The following PHACTR2 variants were observed in gnomAD, a reference collection of about 807,000 sequenced individuals.
PHACTR2 encodes phosphatase and actin regulator 2.
PHACTR2 carries 30 observed loss-of-function variants against 76.0 expected under a neutral mutation model. The observed-to-expected ratio is 0.39, with a 90% CI of 0.30 to 0.54. PHACTR2 has a LOEUF of 0.54. Among genes scored for constraint, PHACTR2 ranks in the 20% least tolerant of loss-of-function variants. The probability of loss-of-function intolerance (pLI) is 0.61; values close to 1 mark genes in which losing one functional copy is unlikely to be tolerated. For synonymous variants in PHACTR2, 292 were observed against 292.5 expected, an observed-to-expected ratio of 1.00 and a Z score of 0.02; for missense variants, 696 against 781.1, an observed-to-expected ratio of 0.89 and a Z score of 1.30.
Position 143,826,156 on chromosome 6 carries a change from G to GT in PHACTR2, c.*2467_*2468insT, listed in dbSNP as rs1776526358. 1 of 152,134 alleles carries GT rather than the reference G, an allele frequency of 6.6e-6. No individual in the cohort carries two copies. The highest frequency in any genetic ancestry group is 1.5e-5 in the Non-Finnish European group (1 of 68,028). The allele number at this position is 152,134 out of a possible 1,614,324, so 9.4% of individuals were successfully genotyped here. On this transcript the variant is annotated 3_prime_UTR_variant, in exon 13 of 13. Coordinates refer to ENST00000440869, the MANE Select transcript of PHACTR2 (RefSeq NM_001100164.2). ...TGGCTTGAGTAAAAAGCTGTGGAAA[G>GT]AATTAAAGGATTATGAGCTAAGCTG...
At position 143,760,050 on chromosome 6, in the gene PHACTR2, T is replaced by C. The variant is rs1157585717; in HGVS notation, c.455-351T>C. 6.6e-6 allele frequency among the ~76,000 whole-genome samples: 1 copy of C among 152,174 alleles called. No homozygotes were observed. ...CTTTGTTAAATCATTGTTTGTTCAATTTAAATGTAGCACTTCATGCCCACA... is the reference window on the plus strand; with the variant it reads ...CTTTGTTAAATCATTGTTTGTTCAACTTAAATGTAGCACTTCATGCCCACA... On this transcript the variant is annotated intron_variant, in intron 4 of 12. Coordinates refer to ENST00000440869, the MANE Select transcript of PHACTR2 (RefSeq NM_001100164.2). This position sits in a 1 kb window ranked among gnomAD's most constrained non-coding sequence, Gnocchi z 6.4.
At position 143,719,162 on chromosome 6, in the gene PHACTR2, C is replaced by T. The variant is rs868506103; in HGVS notation, c.214+6979C>T. On this transcript the variant is annotated intron_variant, in intron 2 of 12. Coordinates refer to ENST00000440869, the MANE Select transcript of PHACTR2 (RefSeq NM_001100164.2). ...CCTCCTAAAGTCCTGGGATTACAGG[C>T]GTGAGCAACCGTGCCTGGCCTAGAA... Among the ~76,000 whole-genome samples the T allele has an allele frequency of 3.3e-5, 5 of 149,672 alleles. No individual in the cohort carries two copies. In the South Asian group the frequency reaches 6.4e-4, roughly 19 times the overall value.
At chr6:143,724,299 T>G (rs1386156783) in intron 2 of PHACTR2, among the ~76,000 whole-genome samples, 1 of 151,966 alleles carries the variant, frequency 6.6e-6, no homozygotes, top group Non-Finnish European at 1.5e-5. Flanking sequence ...GCCTGGCTAA[T>G]TTTTTTGTAT....
chr6:143,771,146 ATATATATATATGTATATATATATATATG>A (rs1486641579), intron 6 of PHACTR2, among the ~76,000 whole-genome samples: 12 of 37,828 alleles, frequency 3.2e-4, no homozygotes, highest in African/African-American at 1.3e-3. Flanking sequence ...ATATATATGT[ATATATATATATGTATATATATATATATG>A]TATATATATA....
At chr6:143,574,473 A>G (rs9496676) in intron 1 of PHACTR2, among the ~76,000 whole-genome samples, 93,235 of 151,956 alleles carry the variant, frequency 0.61, 28,945 homozygotes, top group Middle Eastern at 0.72. Flanking sequence ...AAGTGGGTTC[A>G]ATGTCTCTCA....
chr6:143,787,060 C>T lies in PHACTR2; in HGVS notation c.1708-1713C>T, dbSNP rs577974287. On this transcript the variant is annotated intron_variant, in intron 10 of 12. Transcript: ENST00000440869. The surrounding 1 kb of genome is among the most constrained non-coding windows in gnomAD (Gnocchi z 4.6). ...CACCCCCTCCTTATTGCCCTGGGCA[C>T]AGTCTTGTGATACAAATCATCTTTC... Among the ~76,000 whole-genome samples the T allele has an allele frequency of 3.1e-4, 44 of 140,894 alleles. 1 individual carries two copies. The East Asian group carries it at 8.4e-3, about 27-fold the overall frequency. 92.4% of individuals were successfully genotyped at this position (140,894 alleles called of 152,430 possible). A position where few individuals can be genotyped will look rare whatever the true frequency, so the allele number is the denominator to read the frequency against.
rs1777310582 is a variant in PHACTR2 at position 143,678,584 on chromosome 6, G to C, written c.46+375G>C. 6.6e-6 allele frequency among the ~76,000 whole-genome samples: 1 copy of C among 152,198 alleles called. No homozygotes were observed. Among genetic ancestry groups the C allele is most frequent in the African/African-American group, 2.4e-5 (1 of 41,446 alleles). ...ACAGGTTTTTCTGTATTTACGCTTG[G>C]CTTCCGAACAGACTAGGACTGAATG... On this transcript the variant is annotated intron_variant, in intron 1 of 12. Transcript: ENST00000440869. This position sits in a 1 kb window ranked among gnomAD's most constrained non-coding sequence, Gnocchi z 6.2.
chr6:143,636,825 G>A (rs943617605), intron 1 of PHACTR2, among the ~76,000 whole-genome samples: 14 of 152,326 alleles, frequency 9.2e-5, no homozygotes, highest in Middle Eastern at 3.4e-3. Context: ...CAAGATGAAT[G>A]GCTTCAAAGT....
Position 143,709,770 on chromosome 6 carries a change from A to C in PHACTR2, c.47-2246A>C, listed in dbSNP as rs1360809511. Among the ~76,000 whole-genome samples, 2 of 152,076 alleles carry C rather than the reference A, an allele frequency of 1.3e-5. No individual in the cohort carries two copies. The highest frequency in any genetic ancestry group is 1.3e-4 in the Admixed American group (2 of 15,284). On this transcript the variant is annotated intron_variant, in intron 1 of 12. Transcript: ENST00000440869. The surrounding 1 kb of genome is among the most constrained non-coding windows in gnomAD (Gnocchi z 4.4). ...TGGGGTGGTCTTGTTCCCAGTGTGC[A>C]ATGATTTGGCCACCTCTGTATTAGG...
intron 2 of PHACTR2, among the ~76,000 whole-genome samples, chr6:143,745,263 T>C (rs1483471750): frequency 6.6e-6 from 1 of 152,216 alleles, no homozygotes; most frequent in Non-Finnish European, 1.5e-5. Context: ...AGCCGACTGC[T>C]GCCGTTTTCT....
At chr6:143,545,246 G>A (rs916732759) in intron 1 of PHACTR2, among the ~76,000 whole-genome samples, 7 of 152,136 alleles carry the variant, frequency 4.6e-5, no homozygotes, top group African/African-American at 1.4e-4. Context: ...CTCCTGGCCT[G>A]TTTTTGTTTT....
At chr6:143,719,147 TCCTGGGATTACAGGCGTGAGCAACCGTG>T (rs1778378945) in intron 2 of PHACTR2, among the ~76,000 whole-genome samples, 2 of 150,500 alleles carry the variant, frequency 1.3e-5, no homozygotes, top group African/African-American at 4.9e-5. Context: ...CCTCCTAAAG[TCCTGGGATTACAGGCGTGAGCAACCGTG>T]CCTGGCCTAG....
Position 143,548,546 on chromosome 6 carries a change from A to G in PHACTR2, c.217+11339A>G, listed in dbSNP as rs1042174359. On this transcript the variant is annotated intron_variant, in intron 1 of 11. Coordinates refer to the PHACTR2 transcript ENST00000367584. This position sits in a 1 kb window ranked among gnomAD's most constrained non-coding sequence, Gnocchi z 4.5. ...CTTCCCTTGGAATCCAATTCCACAC[A>G]CCAGCCTGGGCCAGGTAGCCATTCC... 2.0e-5 allele frequency among the ~76,000 whole-genome samples: 3 copies of G among 151,988 alleles called. No homozygotes were observed. Among genetic ancestry groups the G allele is most frequent in the African/African-American group, 4.8e-5 (2 of 41,410 alleles).
chr6:143,711,880 G>A, intron 1 of PHACTR2, 136 bp from the exon 2 acceptor site: 1 of 815,650 alleles, frequency 1.2e-6, no homozygotes, highest in Non-Finnish European at 2.2e-6. Context: ...GCTGTGAAAT[G>A]GGACAAATAA....
At chr6:143,649,221 G>T (rs192004084) in intron 1 of PHACTR2, among the ~76,000 whole-genome samples, 1 of 152,154 alleles carries the variant, frequency 6.6e-6, no homozygotes, top group South Asian at 2.1e-4. Context: ...AAGCACAAGG[G>T]TTAGGGATGG....
intron 2 of PHACTR2, among the ~76,000 whole-genome samples, chr6:143,719,813 CTTTT>C (rs10675688): frequency 3.2e-5 from 3 of 94,840 alleles, no homozygotes; most frequent in Non-Finnish European, 5.8e-5. Flanking sequence ...GTGTTCGACA[CTTTT>C]TTTTTTTTTT....
In PHACTR2 at chr6:143,830,457, G is replaced by A. The variant is rs1477590471; in HGVS notation, c.*6768G>A. ...ATCTAGTTCTACGTATTACACAGGTGTAATATCTGTGAGTGTAAATAACTG... is the reference window on the plus strand; with the variant it reads ...ATCTAGTTCTACGTATTACACAGGTATAATATCTGTGAGTGTAAATAACTG... On this transcript the variant is annotated 3_prime_UTR_variant, in exon 13 of 13. Coordinates refer to ENST00000440869, the MANE Select transcript of PHACTR2 (RefSeq NM_001100164.2). 1 of 152,052 alleles carries A rather than the reference G, an allele frequency of 6.6e-6. No individual in the cohort carries two copies. The highest frequency in any genetic ancestry group is 1.5e-5 in the Non-Finnish European group (1 of 68,000). 9.4% of individuals were successfully genotyped at this position (152,052 alleles called of 1,614,324 possible).
Position 143,570,266 on chromosome 6 carries a change from C to T in PHACTR2, c.217+33059C>T, listed in dbSNP as rs1250428257. Among the ~76,000 whole-genome samples the T allele has an allele frequency of 2.0e-5, 3 of 152,154 alleles. No individual in the cohort carries two copies. Among genetic ancestry groups the T allele is most frequent in the Admixed American group, 2.0e-4 (3 of 15,280 alleles). On this transcript the variant is annotated intron_variant, in intron 1 of 11. Coordinates refer to the PHACTR2 transcript ENST00000367584. The surrounding 1 kb of genome is among the most constrained non-coding windows in gnomAD (Gnocchi z 4.6). ...TTGCTGATATTAAAAAACGAGGTTG[C>T]TGTTGGTCTGAGTCACAGGTGAAGC...
chr6:143,662,102 C>G lies in PHACTR2; in HGVS notation c.14-49914C>G, dbSNP rs1776956964. Among the ~76,000 whole-genome samples the G allele has an allele frequency of 6.6e-6, 1 of 152,162 alleles. No homozygotes were observed. Among genetic ancestry groups the G allele is most frequent in the Non-Finnish European group, 1.5e-5 (1 of 68,034 alleles). ...CACCTGCAAGCTTCATTGCTCCTCCCCCTTTCTCAGCTCCCATCTTTATCA... is the reference window on the plus strand; with the variant it reads ...CACCTGCAAGCTTCATTGCTCCTCCGCCTTTCTCAGCTCCCATCTTTATCA... On this transcript the variant is annotated intron_variant, in intron 1 of 11. Coordinates refer to the PHACTR2 transcript ENST00000305766. This position sits in a 1 kb window ranked among gnomAD's most constrained non-coding sequence, Gnocchi z 4.7.
Sources: gnomAD v4.1 joint callset for allele counts (sites outside exome capture counted in the v4.1 genomes callset) on GRCh38, gnomAD v4.1.1 for gene constraint, Gnocchi (gnomAD v3.1) non-coding constraint, MANE v1.5 for transcripts, NCBI Gene and HGNC (gene_info 2026-07-23, HGNC 2026-07-21) for gene names.